FAM13B: variants seen among roughly 807,000 people sequenced by gnomAD.
FAM13B encodes protein FAM13B.
FAM13B carries 60 observed loss-of-function variants against 117.3 expected under a neutral mutation model. The observed-to-expected ratio is 0.51, with a 90% confidence interval of 0.42 to 0.63. The LOEUF (loss-of-function observed/expected upper bound fraction) is 0.63. Ranked by LOEUF, FAM13B falls within the 30% of genes least tolerant of loss-of-function variation. The probability of loss-of-function intolerance (pLI) is 0.00; values close to 1 mark genes in which losing one functional copy is unlikely to be tolerated. For synonymous variants in FAM13B, 332 were observed against 356.1 expected, an observed-to-expected ratio of 0.93 and a Z score of 0.76; for missense variants, 972 against 1,091.9, an observed-to-expected ratio of 0.89 and a Z score of 1.55.
chr5:137,993,098 G>C, intron 7 of FAM13B, among the ~76,000 whole-genome samples: 1 of 152,106 alleles, frequency 6.6e-6, no homozygotes, highest in Non-Finnish European at 1.5e-5. Flanking sequence ...ACCAGATCAA[G>C]AATTTACATA....
intron 1 of FAM13B, among the ~76,000 whole-genome samples, chr5:138,026,711 G>A (rs954416954): frequency 3.4e-5 from 5 of 148,916 alleles, no homozygotes; most frequent in East Asian, 2.0e-4. Flanking sequence ...AGGTCGAGAC[G>A]GGTGGATCAC....
intron 10 of FAM13B, among the ~76,000 whole-genome samples, chr5:137,984,566 T>A (rs1471234481): frequency 1.3e-5 from 2 of 152,172 alleles, no homozygotes; most frequent in Non-Finnish European, 2.9e-5. Context: ...TTTCTCTTGT[T>A]AACCAATATT....
At chr5:138,009,429 T>C (rs777485695) in intron 6 of FAM13B, among the ~76,000 whole-genome samples, 6 of 151,438 alleles carry the variant, frequency 4.0e-5, no homozygotes, top group Non-Finnish European at 8.8e-5. Context: ...TATTAACTAG[T>C]GAAAGTTGAG....
At chr5:138,010,462 T>A (rs1783697170) in intron 6 of FAM13B, among the ~76,000 whole-genome samples, 1 of 152,208 alleles carries the variant, frequency 6.6e-6, no homozygotes, top group African/African-American at 2.4e-5. Flanking sequence ...AACAATTTTT[T>A]AAAAGATTAT....
At chr5:137,945,038 C>A (rs925758406) in intron 20 of FAM13B, among the ~76,000 whole-genome samples, 10 of 151,982 alleles carry the variant, frequency 6.6e-5, no homozygotes. Context: ...GTACCCCAAA[C>A]CTCAGCATCA....
chr5:137,959,514 G>A, intron 13 of FAM13B, 102 bp downstream of exon 13: 1 of 1,217,184 alleles, frequency 8.2e-7, no homozygotes, highest in South Asian at 1.4e-5. Flanking sequence ...AGATCAAGAT[G>A]AATAAGGTTA....
chr5:138,028,800 C>T (rs551702798), intron 1 of FAM13B, among the ~76,000 whole-genome samples: 10 of 152,314 alleles, frequency 6.6e-5, no homozygotes, highest in African/African-American at 2.4e-4. Context: ...AGGCGGATCA[C>T]CTGAGGTCAG....
At chr5:138,002,433 A>C (rs1781492463) in intron 7 of FAM13B, among the ~76,000 whole-genome samples, 1 of 151,992 alleles carries the variant, frequency 6.6e-6, no homozygotes, top group Non-Finnish European at 1.5e-5. Context: ...CAGGAGACTG[A>C]GGCAGTAGAA....
intron 2 of FAM13B, among the ~76,000 whole-genome samples, chr5:138,019,408 T>C (rs1786077063): frequency 6.6e-6 from 1 of 152,218 alleles, no homozygotes; most frequent in Non-Finnish European, 1.5e-5. Context: ...ATCAAAGATT[T>C]AGCAAGAGGC....
rs1432423470 is a variant in FAM13B at position 137,953,226 on chromosome 5, T to A, written c.1848+110A>T. On this transcript the variant is annotated intron_variant, in intron 16 of 23. Transcript: ENST00000689681. ...TACATGATCACTGTTCCTCCGGGTA[T>A]CTCAGATTTGTTACCTTTCTCACAC... 3 of 1,161,318 alleles carry A rather than the reference T, an allele frequency of 2.6e-6. No homozygotes were observed. The Admixed American group carries it at 6.4e-5, about 25-fold the overall frequency. 71.9% of individuals were successfully genotyped at this position (1,161,318 alleles called of 1,614,324 possible). A position where few individuals can be genotyped will look rare whatever the true frequency, so the allele number is the denominator to read the frequency against.
chr5:138,009,953 T>G (rs1783558640), intron 6 of FAM13B, among the ~76,000 whole-genome samples: 2 of 152,152 alleles, frequency 1.3e-5, no homozygotes, highest in Non-Finnish European at 2.9e-5. Flanking sequence ...CACACCTTTT[T>G]GGTACAGAGA....
chr5:137,958,705 T>C (rs1318752206), intron 13 of FAM13B, among the ~76,000 whole-genome samples: 1 of 152,232 alleles, frequency 6.6e-6, no homozygotes, highest in African/African-American at 2.4e-5. Context: ...AGATCCAAAT[T>C]TATTGCTTGA....
chr5:137,944,335 A>G (rs1192402153), intron 20 of FAM13B, among the ~76,000 whole-genome samples: 1 of 152,204 alleles, frequency 6.6e-6, no homozygotes, highest in Non-Finnish European at 1.5e-5. Context: ...CATTCTACCA[A>G]AAACAACACA....
intron 11 of FAM13B, among the ~76,000 whole-genome samples, chr5:137,961,498 A>G (rs922080177): frequency 5.9e-5 from 9 of 152,196 alleles, no homozygotes; most frequent in Admixed American, 1.3e-4. Context: ...GCCTCCTGAA[A>G]GGAAGGACAA....
At chr5:137,955,813 G>T (rs1766358246) in intron 14 of FAM13B, among the ~76,000 whole-genome samples, 1 of 152,108 alleles carries the variant, frequency 6.6e-6, no homozygotes, top group Non-Finnish European at 1.5e-5. Flanking sequence ...TGTATTTTTA[G>T]TTGAGATGGG....
At chr5:138,032,573 G>A in intron 1 of FAM13B, among the ~76,000 whole-genome samples, 1 of 152,170 alleles carries the variant, frequency 6.6e-6, no homozygotes, top group Middle Eastern at 3.2e-3. Context: ...CCGGCAGCCA[G>A]GGACACGGCT....
intron 23 of FAM13B, 50 bp downstream of exon 23, chr5:137,941,894 T>A: frequency 7.0e-7 from 1 of 1,420,600 alleles, no homozygotes; most frequent in Non-Finnish European, 9.9e-7. Flanking sequence ...ATATGGTCAG[T>A]TTGTGAGTTA....
At chr5:137,991,931 CT>C (rs973819772) in intron 7 of FAM13B, among the ~76,000 whole-genome samples, 30 of 151,904 alleles carry the variant, frequency 2.0e-4, no homozygotes, top group Non-Finnish European at 3.5e-4. Context: ...AAATTAGCAA[CT>C]TTTTTTTGAG....
At chr5:138,050,265 C>G (rs1230394746) in intron 1 of FAM13B, among the ~76,000 whole-genome samples, 6 of 151,996 alleles carry the variant, frequency 3.9e-5, no homozygotes, top group Admixed American at 3.3e-4. Context: ...TGGAGAAACC[C>G]TGTCCCTACT....
Sources: allele counts gnomAD v4.1 joint callset (sites outside exome capture counted in the v4.1 genomes callset), GRCh38; gene constraint gnomAD v4.1.1; transcripts MANE v1.5; gene names NCBI Gene and HGNC (gene_info 2026-07-23, HGNC 2026-07-21).